Variants in CHN2 observed in about 807,000 individuals in gnomAD.
The protein encoded by CHN2 is chimerin 2, also known as beta-chimaerin.
A neutral mutation model predicts 56.3 loss-of-function variants in CHN2; 35 were observed. The ratio of observed to expected loss-of-function variants is 0.62; its 90% CI spans 0.47 to 0.82. CHN2 has a LOEUF of 0.82. Ranked by LOEUF, CHN2 falls within the 40% of genes least tolerant of loss-of-function variation. The pLI is 0.00. For synonymous variants in CHN2, 210 were observed against 212.8 expected (o/e 0.99, Z 0.12); for missense variants, 491 against 580.5 (o/e 0.85, Z 1.58).
At chr7:29,426,391 T>C (rs1483570698) in intron 6 of CHN2, among the ~76,000 whole-genome samples, 2 of 152,118 alleles carry the variant, frequency 1.3e-5, no homozygotes, top group Non-Finnish European at 2.9e-5. Flanking sequence ...TATAAGGAAA[T>C]GTGTGATTTG....
intron 3 of CHN2, among the ~76,000 whole-genome samples, chr7:29,371,878 G>A (rs1334665999): frequency 6.6e-6 from 1 of 152,014 alleles, no homozygotes; most frequent in Non-Finnish European, 1.5e-5. Context: ...CATGAATGTT[G>A]TGTGGTTTGG....
chr7:29,343,719 A>G (rs958973295), intron 1 of CHN2, among the ~76,000 whole-genome samples: 1 of 151,610 alleles, frequency 6.6e-6, no homozygotes, highest in Admixed American at 6.6e-5. Flanking sequence ...TCATCCCTTC[A>G]GTGCTGGTGC....
chr7:29,195,648 G>A (rs1199738525), intron 1 of CHN2, among the ~76,000 whole-genome samples: 3 of 147,530 alleles, frequency 2.0e-5, no homozygotes, highest in Non-Finnish European at 3.0e-5. Flanking sequence ...GTGTGTGTGT[G>A]TGAGAGAGAG....
intron 1 of CHN2, among the ~76,000 whole-genome samples, chr7:29,266,784 C>G (rs1275459210): frequency 6.6e-6 from 1 of 152,164 alleles, no homozygotes; most frequent in Admixed American, 6.5e-5. Context: ...CTGAGCACTG[C>G]CTGCCTTTCT....
intron 9 of CHN2, among the ~76,000 whole-genome samples, 180 bp downstream of exon 9, chr7:29,500,220 A>C (rs1314001765): frequency 6.6e-6 from 1 of 152,088 alleles, no homozygotes; most frequent in East Asian, 1.9e-4. Context: ...AGCTATATCA[A>C]TTTCCATTGT....
intron 4 of CHN2, among the ~76,000 whole-genome samples, chr7:29,394,651 C>T (rs1046441552): frequency 6.6e-6 from 1 of 152,228 alleles, no homozygotes; most frequent in Admixed American, 6.5e-5. Context: ...GGCCTCCGCT[C>T]CTCTCTACCC....
At chr7:29,206,651 T>C (rs898127425) in intron 1 of CHN2, among the ~76,000 whole-genome samples, 16 of 152,134 alleles carry the variant, frequency 1.1e-4, no homozygotes, top group African/African-American at 3.1e-4. Flanking sequence ...CATGAATTTA[T>C]CTGAATCAGG....
At chr7:29,443,001 C>A (rs921153536) in intron 6 of CHN2, among the ~76,000 whole-genome samples, 3 of 139,262 alleles carry the variant, frequency 2.2e-5, no homozygotes, top group Non-Finnish European at 4.5e-5. Flanking sequence ...ACTGCAGTGG[C>A]GCAATCTCGG....
chr7:29,301,338 C>T (rs1427462595), intron 1 of CHN2, among the ~76,000 whole-genome samples: 1 of 120,626 alleles, frequency 8.3e-6, no homozygotes, highest in Admixed American at 1.1e-4. Flanking sequence ...GGGCCTCAAA[C>T]AGGTACACAC....
At chr7:29,186,521 G>A (rs1013496773) in intron 2 of CHN2, 4 of 151,858 alleles carry the variant, frequency 2.6e-5, no homozygotes, top group Non-Finnish European at 5.9e-5. Flanking sequence ...GTAGCAGTGA[G>A]CTGTGATCGT....
At chr7:29,417,747 AG>A (rs1291486869) in intron 6 of CHN2, among the ~76,000 whole-genome samples, 2 of 152,222 alleles carry the variant, frequency 1.3e-5, no homozygotes, top group African/African-American at 4.8e-5. Flanking sequence ...ACAGTCCACT[AG>A]GAGTGGATAC....
intron 7 of CHN2, among the ~76,000 whole-genome samples, chr7:29,494,498 A>C (rs944767422): frequency 1.3e-5 from 2 of 152,132 alleles, no homozygotes; most frequent in Non-Finnish European, 2.9e-5. Context: ...CTCTAAGTGA[A>C]TTATGACATT....
intron 3 of CHN2, among the ~76,000 whole-genome samples, chr7:29,383,234 A>ATG (rs1287563086): frequency 4.6e-5 from 7 of 152,050 alleles, no homozygotes; most frequent in South Asian, 4.2e-4. Context: ...ATGTGTGTGT[A>ATG]TGTGTGTGTG....
At chr7:29,310,619 C>G (rs768276730) in intron 1 of CHN2, among the ~76,000 whole-genome samples, 7 of 152,148 alleles carry the variant, frequency 4.6e-5, no homozygotes, top group Non-Finnish European at 1.0e-4. Flanking sequence ...ATTTGGGCTG[C>G]TATAACAAAA....
At chr7:29,392,124 G>T (rs1351005067) in intron 3 of CHN2, among the ~76,000 whole-genome samples, 1 of 152,136 alleles carries the variant, frequency 6.6e-6, no homozygotes, top group Non-Finnish European at 1.5e-5. Flanking sequence ...TCAAATTTTG[G>T]AATATCGCCT....
intron 1 of CHN2, among the ~76,000 whole-genome samples, chr7:29,280,826 G>A (rs1360393596): frequency 6.6e-6 from 1 of 152,172 alleles, no homozygotes; most frequent in Non-Finnish European, 1.5e-5. Context: ...GCCAGGCATG[G>A]GGGCTCATGC....
chr7:29,400,859 G>A (rs370119647), intron 6 of CHN2, 31 bp downstream of exon 6: 19 of 1,603,898 alleles, frequency 1.2e-5, no homozygotes, highest in African/African-American at 2.7e-5. Flanking sequence ...GCAGCCTTTC[G>A]TTTTAATCCA....
chr7:29,509,414 C>T lies in CHN2; in HGVS notation c.1235+8C>T. On this transcript the variant is annotated splice_region_variant and intron_variant, in intron 12 of 12. Coordinates refer to ENST00000222792, the MANE Select transcript of CHN2 (RefSeq NM_004067.4). ...AATGATCCACCTCAAAAAGTAAGCTCATGTCTCGTGCACAAAGCCTGCTCT... is the reference window on the plus strand; with the variant it reads ...AATGATCCACCTCAAAAAGTAAGCTTATGTCTCGTGCACAAAGCCTGCTCT... 1 of 1,606,996 alleles carries T rather than the reference C, an allele frequency of 6.2e-7. No homozygotes were observed. The highest frequency in any genetic ancestry group is 1.3e-5 in the African/African-American group (1 of 74,896).
intron 1 of CHN2, among the ~76,000 whole-genome samples, chr7:29,239,351 A>G (rs913065536): frequency 2.0e-5 from 3 of 152,202 alleles, no homozygotes; most frequent in African/African-American, 7.2e-5. Context: ...TGAGATGGAA[A>G]AGATGTTAGG....
Sources: allele counts gnomAD v4.1 joint callset (sites outside exome capture counted in the v4.1 genomes callset), GRCh38; gene constraint gnomAD v4.1.1; transcripts MANE v1.5; gene names NCBI Gene and HGNC (gene_info 2026-07-23, HGNC 2026-07-21).